The following VWC2 variants were observed in gnomAD, a reference collection of about 807,000 sequenced individuals.
The protein encoded by VWC2 is brorin.
VWC2 carries 14 observed loss-of-function variants against 29.8 expected under a neutral mutation model. The ratio of observed to expected loss-of-function variants is 0.47; its 90% confidence interval spans 0.31 to 0.74. The LOEUF (loss-of-function observed/expected upper bound fraction) is 0.74. Ranked by LOEUF, VWC2 falls within the 30% of genes least tolerant of loss-of-function variation. VWC2 has a pLI of 0.05. For synonymous variants in VWC2, 213 were observed against 199.0 expected (o/e 1.07, Z -0.59); for missense variants, 457 against 459.8 (o/e 0.99, Z 0.05).
intron 2 of VWC2, among the ~76,000 whole-genome samples, chr7:49,789,875 G>A (rs1336267269): frequency 6.6e-6 from 1 of 152,254 alleles, no homozygotes. Context: ...CAGGTGGGAA[G>A]TGAGAAGCCG....
At chr7:49,872,587 A>G (rs920280032) in intron 3 of VWC2, among the ~76,000 whole-genome samples, 2 of 151,940 alleles carry the variant, frequency 1.3e-5, no homozygotes, top group African/African-American at 4.8e-5. Context: ...TATTTCCACA[A>G]TAAGATACAA....
chr7:49,840,733 T>C (rs1056106736), intron 3 of VWC2, among the ~76,000 whole-genome samples: 2 of 152,188 alleles, frequency 1.3e-5, no homozygotes, highest in Admixed American at 6.5e-5. Context: ...ACTCTTTTAT[T>C]GTTCATTTTT....
intron 3 of VWC2, among the ~76,000 whole-genome samples, chr7:49,810,937 T>A (rs1475405242): frequency 1.3e-5 from 2 of 152,172 alleles, no homozygotes; most frequent in Non-Finnish European, 2.9e-5. Flanking sequence ...TAGGAGAACA[T>A]CTTTATGACT....
chr7:49,775,149 A>G (rs1259387366), intron 1 of VWC2, among the ~76,000 whole-genome samples, 184 bp from the exon 2 acceptor site: 3 of 152,096 alleles, frequency 2.0e-5, no homozygotes, highest in African/African-American at 4.8e-5. Flanking sequence ...TTCGCTTCCA[A>G]TGTATCGCTC....
At chr7:49,815,065 T>C (rs1789104638) in intron 3 of VWC2, among the ~76,000 whole-genome samples, 1 of 152,224 alleles carries the variant, frequency 6.6e-6, no homozygotes, top group African/African-American at 2.4e-5. Flanking sequence ...GTGTGTTGTA[T>C]GTATGTGCAT....
At chr7:49,886,508 TTTC>T (rs1423996915) in intron 3 of VWC2, among the ~76,000 whole-genome samples, 8 of 152,242 alleles carry the variant, frequency 5.3e-5, no homozygotes, top group Non-Finnish European at 7.3e-5. Context: ...TAAAATGTTA[TTTC>T]TTCTTTTGAT....
chr7:49,899,541 G>A (rs949280630), intron 3 of VWC2, among the ~76,000 whole-genome samples: 1 of 151,930 alleles, frequency 6.6e-6, no homozygotes, highest in Non-Finnish European at 1.5e-5. Flanking sequence ...ATTTCTGACA[G>A]AGCAGACTTT....
intron 3 of VWC2, among the ~76,000 whole-genome samples, chr7:49,845,890 C>T (rs980220703): frequency 3.9e-5 from 6 of 152,170 alleles, no homozygotes; most frequent in African/African-American, 1.2e-4. Flanking sequence ...CACACCCACA[C>T]GTTTCTCATC....
At chr7:49,857,312 A>G (rs1354312478) in intron 3 of VWC2, among the ~76,000 whole-genome samples, 1 of 152,206 alleles carries the variant, frequency 6.6e-6, no homozygotes, top group Non-Finnish European at 1.5e-5. Flanking sequence ...GGCTTTTTCC[A>G]CTAAGCATAA....
At chr7:49,822,267 C>T (rs1049314633) in intron 3 of VWC2, among the ~76,000 whole-genome samples, 10 of 151,962 alleles carry the variant, frequency 6.6e-5, no homozygotes, top group African/African-American at 2.2e-4. Flanking sequence ...TGTCATATAT[C>T]AATCACGTAG....
At chr7:49,783,799 C>T (rs1197878390) in intron 2 of VWC2, among the ~76,000 whole-genome samples, 5 of 152,144 alleles carry the variant, frequency 3.3e-5, no homozygotes, top group East Asian at 1.9e-4. Context: ...CCTATAATCC[C>T]GGCAGTTCGG....
chr7:49,893,781 G>A (rs1423242130), intron 3 of VWC2, among the ~76,000 whole-genome samples: 2 of 152,134 alleles, frequency 1.3e-5, no homozygotes, highest in East Asian at 3.8e-4. Context: ...GTCAGAGCTG[G>A]TGCTAAGGAA....
intron 3 of VWC2, among the ~76,000 whole-genome samples, chr7:49,862,641 C>T (rs970949929): frequency 6.7e-6 from 1 of 150,304 alleles, no homozygotes; most frequent in Non-Finnish European, 1.5e-5. Flanking sequence ...CCTTCTCTTC[C>T]TACTTTGATG....
At chr7:49,862,032 G>C (rs1267597852) in intron 3 of VWC2, among the ~76,000 whole-genome samples, 1 of 152,130 alleles carries the variant, frequency 6.6e-6, no homozygotes, top group South Asian at 2.1e-4. Flanking sequence ...TTGGAATTTT[G>C]AAAGGGATTG....
At chr7:49,863,870 T>C (rs769267586) in intron 3 of VWC2, among the ~76,000 whole-genome samples, 23 of 152,384 alleles carry the variant, frequency 1.5e-4, no homozygotes, top group Middle Eastern at 3.4e-3. Context: ...GATCCTTTTC[T>C]GTTTTATAAT....
chr7:49,845,411 A>G (rs1407552364), intron 3 of VWC2, among the ~76,000 whole-genome samples: 7 of 152,220 alleles, frequency 4.6e-5, no homozygotes. Context: ...AATTTCAACA[A>G]CAATGCTTGT....
chr7:49,858,508 C>A (rs919836366), intron 3 of VWC2, among the ~76,000 whole-genome samples: 5 of 139,854 alleles, frequency 3.6e-5, no homozygotes, highest in Admixed American at 8.1e-5. Flanking sequence ...TGAACAATGA[C>A]AACACACGGA....
chr7:49,902,761 C>A (rs980402950), intron 3 of VWC2, among the ~76,000 whole-genome samples: 2 of 151,916 alleles, frequency 1.3e-5, no homozygotes, highest in Admixed American at 1.3e-4. Context: ...TGCATTTGAT[C>A]GCATTGAAAT....
chr7:49,787,842 T>C (rs1788334345), intron 2 of VWC2, among the ~76,000 whole-genome samples: 1 of 152,130 alleles, frequency 6.6e-6, no homozygotes, highest in Non-Finnish European at 1.5e-5. Context: ...ATGTCTGGGC[T>C]CCCAGTCCTC....
Sources: allele counts gnomAD v4.1 joint callset (sites outside exome capture counted in the v4.1 genomes callset), GRCh38; gene constraint gnomAD v4.1.1; transcripts MANE v1.5; gene names NCBI Gene and HGNC (gene_info 2026-07-23, HGNC 2026-07-21).